Variants in GABRQ observed in about 807,000 individuals in gnomAD.
The protein encoded by GABRQ is gamma-aminobutyric acid receptor subunit theta.
In GABRQ, 19 loss-of-function variants were observed where a neutral mutation model predicts 30.5. The ratio of observed to expected loss-of-function variants is 0.62; its 90% confidence interval spans 0.43 to 0.91. GABRQ has a LOEUF of 0.91. GABRQ is among the 40% of genes least tolerant of loss of function. GABRQ has a pLI of 0.00. For missense variants in GABRQ, 520 were observed against 521.4 expected (o/e 1.00, Z 0.03); for synonymous variants, 187 against 210.2 (o/e 0.89, Z 0.95).
intron 8 of GABRQ, among the ~76,000 whole-genome samples, chrX:152,652,092 C>T (rs1416848357): frequency 2.7e-5 from 3 of 112,684 alleles, no homozygotes; most frequent in Admixed American, 9.3e-5. Context: ...GGAAGATGGG[C>T]GCAGGGAGAC....
chrX:152,641,598 C>T (rs782296594), intron 2 of GABRQ, among the ~76,000 whole-genome samples: 11 of 112,041 alleles, frequency 9.8e-5, no homozygotes, highest in Non-Finnish European at 1.7e-4. Context: ...CTCCCTTGCT[C>T]CCTCCGAAGT....
chrX:152,638,378 C>A, intron 1 of GABRQ, 27 bp downstream of exon 1: 1 of 1,194,795 alleles, frequency 8.4e-7, no homozygotes, highest in East Asian at 3.0e-5. Context: ...AGGCTAGGCA[C>A]GGCGGGGACG....
In GABRQ at chrX:152,639,281, G is replaced by C. The variant is rs960304683; in HGVS notation, c.149+930G>C. On this transcript the variant is annotated intron_variant, in intron 1 of 8. Coordinates refer to ENST00000598523, the MANE Select transcript of GABRQ (RefSeq NM_018558.4). ...AGAAATTAACATGTACTCATAAAGG[G>C]GGGGGGGGTGTTTGGCAAGGTTCCA... is the stretch of plus-strand genomic sequence containing the variant. 1.2e-4 allele frequency among the ~76,000 whole-genome samples: 13 copies of C among 104,890 alleles called. No homozygotes were observed. The East Asian group carries it at 4.0e-3, about 32-fold the overall frequency. 91.1% of individuals were successfully genotyped at this position (104,890 alleles called of 115,157 possible). A position where few individuals can be genotyped will look rare whatever the true frequency, so the allele number is the denominator to read the frequency against.
rs1556820289 is a variant in GABRQ at position 152,651,764 on chromosome X, G to A, written c.1140G>A (p.Val380=). Residue 380 remains valine, a synonymous_variant, in exon 8 of 9, where the codon GTG becomes GTA. Coordinates refer to ENST00000598523, the MANE Select transcript of GABRQ (RefSeq NM_018558.4). ...RVIARYRYQQ[V]VVGNVQDGLI... is the part of the protein sequence containing the mutation. ...TTGCCCGCTACCGCTACCAGCAAGT[G>A]GTGGTAGGAAACGTGCAGGTTTGAC... 1 of 1,211,290 alleles carries A rather than the reference G, an allele frequency of 8.3e-7. No homozygotes were observed. The highest frequency in any genetic ancestry group is 1.8e-5 in the South Asian group (1 of 56,918).
In GABRQ at chrX:152,652,749, C is replaced by A; in HGVS notation, c.1367C>A (p.Thr456Asn). Residue 456 changes from threonine (T) to asparagine (N), a missense_variant, in exon 9 of 9, where the codon ACC becomes AAC. Coordinates refer to ENST00000598523, the MANE Select transcript of GABRQ (RefSeq NM_018558.4). ...GAAAGCCTGAGCGATCTCCCCTCCA[C>A]CTCAGAGCAGGCCCGGCACAGCTAT... ...TGESLSDLPS[T>N]SEQARHSYGV... The A allele has an allele frequency of 8.3e-7, 1 of 1,211,870 alleles. No homozygotes were observed.
downstream of GABRQ, among the ~76,000 whole-genome samples, chrX:152,658,860 C>A (rs1301501579): frequency 1.8e-5 from 2 of 111,837 alleles, no homozygotes; most frequent in Non-Finnish European, 3.8e-5. Context: ...AGAAATCCCA[C>A]CCTGATACAC....
chrX:152,652,710 C>G lies in GABRQ; in HGVS notation c.1328C>G (p.Pro443Arg). The G allele has an allele frequency of 8.3e-7, 1 of 1,209,391 alleles. No individual in the cohort carries two copies. Reference sequence around the variant, plus strand: ...CTCACTTCTCTCTCAGGCCAGGCCCCCCTGGCCACTGGAGAAAGCCTGAGC... The same window carrying G: ...CTCACTTCTCTCTCAGGCCAGGCCCGCCTGGCCACTGGAGAAAGCCTGAGC... ...SPLTSLSGQA[P>R]LATGESLSDL... is the part of the protein sequence containing the mutation. The change falls in exon 9 of 9, where the codon CCC (proline) becomes CGC (arginine). Residue 443 changes from proline (P) to arginine (R), a missense_variant. Coordinates refer to ENST00000598523, the MANE Select transcript of GABRQ (RefSeq NM_018558.4).
intron 8 of GABRQ, among the ~76,000 whole-genome samples, chrX:152,652,309 G>T (rs1190185726): frequency 8.8e-6 from 1 of 113,053 alleles, no homozygotes; most frequent in Non-Finnish European, 1.9e-5. Flanking sequence ...TGCCTCCAGC[G>T]AGACACTGGC....
In GABRQ at chrX:152,656,637, A is replaced by T. The variant is rs112619359; in HGVS notation, c.*3356A>T. 8.9e-6 allele frequency: 1 copy of T among 112,650 alleles called. No homozygotes were observed. The highest frequency in any genetic ancestry group is 3.7e-4 in the South Asian group (1 of 2,728). The allele number at this position is 112,650 out of a possible 1,213,427, so 9.3% of individuals were successfully genotyped here. The stretch of plus-strand genomic sequence containing the variant: ...CAATTCATGTCATCTTGTTAATAGC[A>T]GGACTTCAAAGTCTTTGCATATTTA... On this transcript the variant is annotated 3_prime_UTR_variant, in exon 9 of 9. Coordinates refer to ENST00000598523, the MANE Select transcript of GABRQ (RefSeq NM_018558.4).
chrX:152,650,721 A>G, intron 7 of GABRQ, 141 bp downstream of exon 7: 1 of 493,205 alleles, frequency 2.0e-6, no homozygotes, highest in Non-Finnish European at 3.5e-6. Context: ...AGACATTTGC[A>G]CCTTTGTACA....
chrX:152,648,775 C>T (rs1424292663), intron 4 of GABRQ, among the ~76,000 whole-genome samples: 6 of 112,286 alleles, frequency 5.3e-5, no homozygotes, highest in Non-Finnish European at 1.1e-4. Flanking sequence ...CTGTCCATTT[C>T]GCACCCAATG....
At chrX:152,658,026 A>G (rs1931182190), downstream of GABRQ, among the ~76,000 whole-genome samples, 1 of 112,362 alleles carries the variant, frequency 8.9e-6, no homozygotes, top group African/African-American at 3.2e-5. Context: ...GAGAAACAAA[A>G]GGGAGTAGAA....
chrX:152,646,506 A>C (rs73244117), intron 3 of GABRQ, among the ~76,000 whole-genome samples: 1,772 of 112,638 alleles, frequency 0.016, 11 homozygotes, highest in Middle Eastern at 0.05. Context: ...CACAAAGATA[A>C]TGTTGAGTGA....
At position 152,654,106 on chromosome X, in the gene GABRQ, G is replaced by C. The variant is rs1194004691; in HGVS notation, c.*825G>C. On this transcript the variant is annotated 3_prime_UTR_variant, in exon 9 of 9. Coordinates refer to ENST00000598523, the MANE Select transcript of GABRQ (RefSeq NM_018558.4). The stretch of plus-strand genomic sequence containing the variant: ...CCTATATTTCTGCTTCAGAACGCTT[G>C]GCAATAGAGACTCAATACATCTGTC... 3 of 111,839 alleles carry C rather than the reference G, an allele frequency of 2.7e-5. No individual in the cohort carries two copies. The highest frequency in any genetic ancestry group is 9.4e-5 in the Admixed American group (1 of 10,589). 9.2% of individuals were successfully genotyped at this position (111,839 alleles called of 1,213,427 possible).
chrX:152,639,828 C>T lies in GABRQ; in HGVS notation c.150-550C>T, dbSNP rs782030321. The stretch of plus-strand genomic sequence containing the variant: ...CAGAGTTGTGCAGAAACAAGGTTGA[C>T]ATAAAAGTGACTAAAAAATGCCCAG... On this transcript the variant is annotated intron_variant, in intron 1 of 8. Coordinates refer to ENST00000598523, the MANE Select transcript of GABRQ (RefSeq NM_018558.4). Among the ~76,000 whole-genome samples, 15 of 111,762 alleles carry T rather than the reference C, an allele frequency of 1.3e-4. No individual in the cohort carries two copies. In the South Asian group the frequency reaches 5.7e-3, roughly 42 times the overall value.
intron 2 of GABRQ, among the ~76,000 whole-genome samples, chrX:152,642,857 C>T: frequency 8.9e-6 from 1 of 112,080 alleles, no homozygotes; most frequent in Non-Finnish European, 1.9e-5. Flanking sequence ...TCTAAATTCT[C>T]ATCCTGACAA....
rs1311824003 is a variant in GABRQ, at chrX:152,652,767, A to G, written c.1385A>G (p.His462Arg). The G allele has an allele frequency of 1.7e-6, 2 of 1,211,751 alleles. No individual in the cohort carries two copies. Among genetic ancestry groups the G allele is most frequent in the Non-Finnish European group, 2.2e-6 (2 of 895,311 alleles). The change falls in exon 9 of 9, where the codon CAC becomes CGC. Residue 462 changes from histidine to arginine, a missense_variant. Transcript: ENST00000598523. ...DLPSTSEQARHSYGVRFNGFQ... is the reference protein window; with the variant it reads ...DLPSTSEQARRSYGVRFNGFQ... ...CCCTCCACCTCAGAGCAGGCCCGGC[A>G]CAGCTATGGTGTTCGCTTTAATGGT...
chrX:152,650,417 C>T lies in GABRQ; in HGVS notation c.749-11C>T. The T allele has an allele frequency of 1.7e-6, 2 of 1,203,089 alleles. No individual in the cohort carries two copies. The highest frequency in any genetic ancestry group is 2.2e-6 in the Non-Finnish European group (2 of 890,178). ...CCCTGCCACCCTAATTCCAGTGTGT[C>T]TCCTTGCCAGGTTCCTACATACGCC... On this transcript the variant is annotated splice_polypyrimidine_tract_variant and intron_variant, in intron 6 of 8. Coordinates refer to ENST00000598523, the MANE Select transcript of GABRQ (RefSeq NM_018558.4).
Position 152,652,881 on chromosome X carries a change from C to T in GABRQ, c.1499C>T (p.Ser500Phe), listed in dbSNP as rs782742963. ...GGTGTTACCCATGACCATGAAGATT[C>T]CAATGAGAGCTTGAGCTCGGATGAG... ...GHGVTHDHED[S>F]NESLSSDERH... Residue 500 changes from serine (S) to phenylalanine (F), a missense_variant, in exon 9 of 9, where the codon TCC becomes TTC. Ser to Phe is a radical substitution (Grantham distance 155). Transcript: ENST00000598523. 22 of 1,211,688 alleles carry T rather than the reference C, an allele frequency of 1.8e-5. No homozygotes were observed. Among genetic ancestry groups the T allele is most frequent in the Non-Finnish European group, 2.5e-5 (22 of 895,075 alleles).
Sources: gnomAD v4.1 joint callset for allele counts (sites outside exome capture counted in the v4.1 genomes callset) on GRCh38, gnomAD v4.1.1 for gene constraint, MANE v1.5 for transcripts, NCBI Gene and HGNC (gene_info 2026-07-23, HGNC 2026-07-21) for gene names.